Variants in PRKAR1A observed in about 807,000 individuals in gnomAD.
PRKAR1A encodes the protein protein kinase cAMP-dependent type I regulatory subunit alpha.
PRKAR1A carries 3 observed loss-of-function variants against 52.0 expected under a neutral mutation model. That is an observed-to-expected ratio of 0.06 (90% CI 0.03 to 0.15). PRKAR1A has a LOEUF of 0.15. PRKAR1A is among the 10% of genes least tolerant of loss of function. PRKAR1A has a pLI of 1.00. For missense variants in PRKAR1A, 240 were observed against 477.4 expected, an observed-to-expected ratio of 0.50 and a Z score of 4.63; for synonymous variants, 188 against 168.4, an observed-to-expected ratio of 1.12 and a Z score of -0.90.
At chr17:68,517,282 C>T (rs557025839) in intron 2 of PRKAR1A, among the ~76,000 whole-genome samples, 1 of 152,182 alleles carries the variant, frequency 6.6e-6, no homozygotes, top group African/African-American at 2.4e-5. Context: ...AGATTTTCAA[C>T]TTGTTAGTGG....
the PRKAR1A span, among the ~76,000 whole-genome samples, chr17:68,455,151 C>T: frequency 6.6e-6 from 1 of 152,022 alleles, no homozygotes; most frequent in Non-Finnish European, 1.5e-5. Flanking sequence ...CACTTGAGGT[C>T]AGGAGTTCAA....
intron 11 of PRKAR1A, chr17:68,540,930 T>C: frequency 6.3e-7 from 1 of 1,598,616 alleles, no homozygotes. Context: ...TGTTTCACTG[T>C]GTCACAGTAA....
chr17:68,515,138 C>T, intron 1 of PRKAR1A: 1 of 491,796 alleles, frequency 2.0e-6, no homozygotes, highest in Non-Finnish European at 3.7e-6. Context: ...CTCATACTTC[C>T]TCCCAGGAGC....
chr17:68,534,705 T>C (rs2086057393), downstream of PRKAR1A, among the ~76,000 whole-genome samples: 1 of 152,124 alleles, frequency 6.6e-6, no homozygotes, highest in African/African-American at 2.4e-5. Context: ...AAAATATGTA[T>C]ATTGGATGTT....
At chr17:68,506,772 G>A in the PRKAR1A span, among the ~76,000 whole-genome samples, 12 of 152,166 alleles carry the variant, frequency 7.9e-5, no homozygotes, top group South Asian at 4.1e-4. Context: ...GTGAGCCACC[G>A]CACCTGGCCC....
chr17:68,428,485 G>T, the PRKAR1A span: 1 of 206,842 alleles, frequency 4.8e-6, no homozygotes, highest in Non-Finnish European at 9.9e-6. Context: ...CACCCGCTTC[G>T]GCCTCCCAAA....
At chr17:68,422,043 C>CTGTG in the PRKAR1A span, 1 of 584,970 alleles carries the variant, frequency 1.7e-6, no homozygotes, top group East Asian at 2.8e-5. Context: ...AAAAATGTCT[C>CTGTG]TGTGTGTGTG....
At chr17:68,501,481 G>A in the PRKAR1A span, among the ~76,000 whole-genome samples, 19 of 152,058 alleles carry the variant, frequency 1.2e-4, no homozygotes, top group Non-Finnish European at 2.2e-4. Context: ...TTTGAGACAC[G>A]GTCTTGCTAT....
the PRKAR1A span, chr17:68,435,621 T>A: frequency 6.2e-7 from 1 of 1,614,032 alleles, no homozygotes; most frequent in Non-Finnish European, 8.5e-7. Flanking sequence ...TGGACTCACT[T>A]TTTCAGACGC....
intron 11 of PRKAR1A, among the ~76,000 whole-genome samples, chr17:68,540,149 A>C (rs914765236): frequency 1.3e-5 from 2 of 152,198 alleles, no homozygotes; most frequent in Non-Finnish European, 2.9e-5. Context: ...AGGGAGAAGG[A>C]AGCGAAACAA....
chr17:68,549,957 A>G (rs2086756299), intron 11 of PRKAR1A, among the ~76,000 whole-genome samples: 1 of 152,262 alleles, frequency 6.6e-6, no homozygotes, highest in Non-Finnish European at 1.5e-5. Context: ...GAGTCTCTAT[A>G]TTCAGTCCTG....
chr17:68,518,033 C>T (rs1305346551), intron 2 of PRKAR1A, among the ~76,000 whole-genome samples: 3 of 152,272 alleles, frequency 2.0e-5, no homozygotes, highest in African/African-American at 4.8e-5. Context: ...TCTCCTTTGA[C>T]TCCATGTCTC....
chr17:68,523,923 A>G (rs1229944776), intron 4 of PRKAR1A, 93 bp from the exon 5 acceptor site: 6 of 1,581,300 alleles, frequency 3.8e-6, no homozygotes, highest in South Asian at 2.2e-5. Flanking sequence ...TGTTCACCAG[A>G]TGACAGTCTG....
At position 68,530,513 on chromosome 17, in the gene PRKAR1A, T is replaced by G; in HGVS notation, c.*64T>G. ...TCCATGCTTCACTCATGCAAACTGC[T>G]TTATTTTCCCTACTTGCAGCGCCAA... On this transcript the variant is annotated 3_prime_UTR_variant, in exon 11 of 11. Coordinates refer to ENST00000589228, the MANE Select transcript of PRKAR1A (RefSeq NM_002734.5). 6.2e-7 allele frequency: 1 copy of G among 1,613,534 alleles called. No homozygotes were observed. The highest frequency in any genetic ancestry group is 1.1e-5 in the South Asian group (1 of 90,990).
intron 2 of PRKAR1A, among the ~76,000 whole-genome samples, chr17:68,517,054 G>A (rs2085456073): frequency 6.6e-6 from 1 of 152,188 alleles, no homozygotes; most frequent in Admixed American, 6.5e-5. Context: ...AGTTGCCACA[G>A]TACTGTTTAA....
At chr17:68,537,069 A>T (rs756686151), downstream of PRKAR1A, 1 of 458,776 alleles carries the variant, frequency 2.2e-6, no homozygotes, top group South Asian at 1.6e-5. This position sits in a 1 kb window ranked among gnomAD's most constrained non-coding sequence, Gnocchi z 4.2. Flanking sequence ...TTTTGTCTGG[A>T]CCAGGAGTTA....
At chr17:68,508,131 TC>T (rs2085220617), upstream of PRKAR1A, among the ~76,000 whole-genome samples, 1 of 152,194 alleles carries the variant, frequency 6.6e-6, no homozygotes, top group South Asian at 2.1e-4. Context: ...GACTGCAGCA[TC>T]AACTCTTCCT....
chr17:68,442,093 C>T, the PRKAR1A span, among the ~76,000 whole-genome samples: 2 of 152,188 alleles, frequency 1.3e-5, no homozygotes, highest in South Asian at 2.1e-4. Context: ...TATTTTCTCT[C>T]TGTTTAAGCT....
the PRKAR1A span, chr17:68,450,665 C>G: frequency 1.3e-6 from 2 of 1,528,108 alleles, no homozygotes; most frequent in Non-Finnish European, 1.8e-6. Context: ...TGAAAGATGT[C>G]CATCTTTTTG....
Sources: allele counts gnomAD v4.1 joint callset (sites outside exome capture counted in the v4.1 genomes callset), GRCh38; gene constraint gnomAD v4.1.1; non-coding constraint Gnocchi (gnomAD v3.1); transcripts MANE v1.5; gene names NCBI Gene and HGNC (gene_info 2026-07-23, HGNC 2026-07-21).